Variants in ADAM12 observed in about 807,000 individuals in gnomAD.
The protein encoded by ADAM12 is ADAM metallopeptidase domain 12, also known as disintegrin and metalloproteinase domain-containing protein 12.
In ADAM12, 70 loss-of-function variants were observed where a neutral mutation model predicts 106.4. The ratio of observed to expected loss-of-function variants is 0.66; its 90% CI spans 0.54 to 0.80. ADAM12 has a LOEUF of 0.80. ADAM12 is among the 30% of genes least tolerant of loss of function. ADAM12 has a pLI of 0.00. For synonymous variants in ADAM12, 420 were observed against 433.5 expected (o/e 0.97, Z 0.39); for missense variants, 1,010 against 1,171.9 (o/e 0.86, Z 2.02).
chr10:126,058,635 G>T (rs1240793246), intron 14 of ADAM12, among the ~76,000 whole-genome samples: 2 of 152,184 alleles, frequency 1.3e-5, no homozygotes, highest in Non-Finnish European at 2.9e-5. Flanking sequence ...AAAGGAAAGA[G>T]GCTCAAAGGC....
At chr10:126,288,253 GTTC>G (rs1398398491) in intron 2 of ADAM12, among the ~76,000 whole-genome samples, 1 of 152,150 alleles carries the variant, frequency 6.6e-6, no homozygotes. Context: ...CTTCCATACT[GTTC>G]TTCTGAGGAG....
intron 3 of ADAM12, among the ~76,000 whole-genome samples, chr10:126,263,534 T>C (rs887628388): frequency 1.3e-5 from 2 of 152,132 alleles, no homozygotes; most frequent in Non-Finnish European, 2.9e-5. Flanking sequence ...CAAATGGTCT[T>C]CATCATTTTT....
intron 3 of ADAM12, among the ~76,000 whole-genome samples, chr10:126,171,338 CTTTAATA>C (rs1209543307): frequency 3.9e-5 from 6 of 152,186 alleles, no homozygotes; most frequent in African/African-American, 1.4e-4. Flanking sequence ...AAATAGAGAT[CTTTAATA>C]AGCATCATGG....
intron 11 of ADAM12, among the ~76,000 whole-genome samples, chr10:126,092,292 AC>A (rs1401065540): frequency 6.6e-6 from 1 of 152,182 alleles, no homozygotes; most frequent in Non-Finnish European, 1.5e-5. Context: ...GAGTGAGAAA[AC>A]ACGAAGGCCA....
At chr10:126,032,239 G>T (rs1022386282) in intron 21 of ADAM12, among the ~76,000 whole-genome samples, 1 of 152,184 alleles carries the variant, frequency 6.6e-6, no homozygotes, top group Admixed American at 6.5e-5. Context: ...GAACCCCAAA[G>T]TACAAAATGT....
At chr10:126,052,758 G>A (rs1195839832) in intron 14 of ADAM12, among the ~76,000 whole-genome samples, 9 of 152,168 alleles carry the variant, frequency 5.9e-5, no homozygotes, top group Admixed American at 4.6e-4. Context: ...AGCTTGATAC[G>A]TGAATACCAG....
chr10:126,290,223 A>G (rs3858320), intron 2 of ADAM12, among the ~76,000 whole-genome samples: 69,306 of 151,986 alleles, frequency 0.46, 16,491 homozygotes, highest in African/African-American at 0.59. Context: ...CTACCACCAC[A>G]TAGAACTGAA....
At chr10:126,202,409 C>A (rs1204104573) in intron 3 of ADAM12, among the ~76,000 whole-genome samples, 1 of 152,172 alleles carries the variant, frequency 6.6e-6, no homozygotes, top group Non-Finnish European at 1.5e-5. Context: ...TATCCAATGA[C>A]ATTACGAAGT....
intron 1 of ADAM12, among the ~76,000 whole-genome samples, chr10:126,385,656 T>C (rs7081193): frequency 0.082 from 12,448 of 152,008 alleles, 536 homozygotes; most frequent in Middle Eastern, 0.13. Context: ...AGTGCAAACA[T>C]TGAATTTTTT....
At chr10:126,187,964 T>G (rs1177527625) in intron 3 of ADAM12, among the ~76,000 whole-genome samples, 2 of 152,154 alleles carry the variant, frequency 1.3e-5, no homozygotes, top group Non-Finnish European at 2.9e-5. Flanking sequence ...ACATGTCTGC[T>G]TTAGGTCAGA....
intron 14 of ADAM12, among the ~76,000 whole-genome samples, chr10:126,052,599 C>G (rs1710286): frequency 0.54 from 82,787 of 151,950 alleles, 22,780 homozygotes; most frequent in Admixed American, 0.63. Flanking sequence ...AGCTCAACAG[C>G]AGCCTGGGAG....
chr10:126,175,685 C>T (rs1253546092), intron 3 of ADAM12, among the ~76,000 whole-genome samples: 2 of 152,184 alleles, frequency 1.3e-5, no homozygotes, highest in Non-Finnish European at 2.9e-5. Context: ...GTGGGTGCCA[C>T]GTAAGTGTCG....
rs1022045182 is a variant in ADAM12, at chr10:126,049,089, TAGTC to T, written c.1917+160_1917+163del. ...GATTTTTCCCCAATCTGCATTTTAA[TAGTC>T]AGACCAGGATCTAGGATTTATTGAC... On this transcript the variant is annotated intron_variant, in intron 16 of 22. Coordinates refer to ENST00000448723, the MANE Select transcript of ADAM12 (RefSeq NM_001288973.2). The surrounding 1 kb of genome is among the most constrained non-coding windows in gnomAD (Gnocchi z 4.4). Among the ~76,000 whole-genome samples the T allele has an allele frequency of 6.6e-6, 1 of 152,258 alleles. No homozygotes were observed. The highest frequency in any genetic ancestry group is 2.4e-5 in the African/African-American group (1 of 41,466).
chr10:126,124,680 G>A (rs1273674032), intron 5 of ADAM12, among the ~76,000 whole-genome samples: 2 of 151,944 alleles, frequency 1.3e-5, no homozygotes, highest in Non-Finnish European at 2.9e-5. Flanking sequence ...ATCACTTGAG[G>A]TCAGGAGTTC....
chr10:126,210,123 T>C (rs914619525), intron 3 of ADAM12, among the ~76,000 whole-genome samples: 1 of 152,218 alleles, frequency 6.6e-6, no homozygotes, highest in Non-Finnish European at 1.5e-5. Flanking sequence ...GGTACATTCA[T>C]GCCTGCTCCC....
chr10:126,160,160 G>A (rs943519474), intron 3 of ADAM12, among the ~76,000 whole-genome samples: 12 of 152,164 alleles, frequency 7.9e-5, no homozygotes, highest in African/African-American at 2.9e-4. Flanking sequence ...CAGGAGGAAA[G>A]CCAGCAAAAA....
intron 14 of ADAM12, among the ~76,000 whole-genome samples, chr10:126,062,213 A>G (rs781527032): frequency 6.6e-6 from 1 of 152,192 alleles, no homozygotes; most frequent in Non-Finnish European, 1.5e-5. Flanking sequence ...AAGCCTCTTC[A>G]CCAAAACTTT....
chr10:126,203,645 C>T (rs1395610528), intron 3 of ADAM12, among the ~76,000 whole-genome samples: 1 of 152,136 alleles, frequency 6.6e-6, no homozygotes, highest in Non-Finnish European at 1.5e-5. Context: ...ACAAACATAC[C>T]CTAAATACCC....
intron 1 of ADAM12, among the ~76,000 whole-genome samples, chr10:126,373,040 T>C (rs974806642): frequency 2.0e-5 from 3 of 152,236 alleles, no homozygotes; most frequent in African/African-American, 4.8e-5. Context: ...AAATCAGGCG[T>C]CTGATTTTCC....
Sources: allele counts gnomAD v4.1 joint callset (sites outside exome capture counted in the v4.1 genomes callset), GRCh38; gene constraint gnomAD v4.1.1; non-coding constraint Gnocchi (gnomAD v3.1); transcripts MANE v1.5; gene names NCBI Gene and HGNC (gene_info 2026-07-23, HGNC 2026-07-21).